ARHGAP18: variants seen among roughly 807,000 people sequenced by gnomAD.
ARHGAP18 encodes the protein Rho GTPase activating protein 18.
ARHGAP18 carries 67 observed loss-of-function variants against 86.2 expected under a neutral mutation model. That is an observed-to-expected ratio of 0.78 (90% confidence interval 0.64 to 0.95). The LOEUF is 0.95. ARHGAP18 is among the 40% of genes least tolerant of loss of function. ARHGAP18 has a pLI of 0.00. For synonymous variants in ARHGAP18, 283 were observed against 280.4 expected, an observed-to-expected ratio of 1.01 and a Z score of -0.09; for missense variants, 691 against 780.4, an observed-to-expected ratio of 0.89 and a Z score of 1.37.
chr6:129,621,305 C>T (rs1478451961), intron 5 of ARHGAP18, among the ~76,000 whole-genome samples: 1 of 152,146 alleles, frequency 6.6e-6, no homozygotes, highest in East Asian at 1.9e-4. Flanking sequence ...TTTAAGCAAA[C>T]TCAATTCAAA....
chr6:129,696,444 CT>C (rs940217603), intron 1 of ARHGAP18, among the ~76,000 whole-genome samples: 12 of 152,150 alleles, frequency 7.9e-5, no homozygotes, highest in Non-Finnish European at 1.6e-4. Flanking sequence ...AATTTACATA[CT>C]TTTTGGAAAA....
At chr6:129,593,705 A>G (rs1282018539) in intron 12 of ARHGAP18, among the ~76,000 whole-genome samples, 1 of 152,154 alleles carries the variant, frequency 6.6e-6, no homozygotes, top group African/African-American at 2.4e-5. Context: ...GTTAAAGCCT[A>G]TCAGAAAATG....
At chr6:129,647,897 G>A (rs990994495) in intron 1 of ARHGAP18, among the ~76,000 whole-genome samples, 3 of 152,066 alleles carry the variant, frequency 2.0e-5, no homozygotes, top group Admixed American at 6.5e-5. Context: ...TGATAGAATC[G>A]AGATTAATGC....
Sources: gnomAD v4.1 joint callset for allele counts (sites outside exome capture counted in the v4.1 genomes callset) on GRCh38, gnomAD v4.1.1 for gene constraint, MANE v1.5 for transcripts, NCBI Gene and HGNC (gene_info 2026-07-23, HGNC 2026-07-21) for gene names.